The following KCNH1 variants were observed in gnomAD, a reference collection of about 807,000 sequenced individuals.
The protein encoded by KCNH1 is potassium voltage-gated channel subfamily H member 1, also known as voltage-gated delayed rectifier potassium channel KCNH1.
KCNH1 carries 27 observed loss-of-function variants against 69.2 expected under a neutral mutation model. The ratio of observed to expected loss-of-function variants is 0.39; its 90% confidence interval spans 0.29 to 0.54. KCNH1 has a LOEUF of 0.54. Among genes scored for constraint, KCNH1 ranks in the 20% least tolerant of loss-of-function variants. KCNH1 has a pLI of 0.68. For missense variants in KCNH1, 798 were observed against 1,261.6 expected, an observed-to-expected ratio of 0.63 and a Z score of 5.57; for synonymous variants, 456 against 487.7, an observed-to-expected ratio of 0.93 and a Z score of 0.86.
intron 7 of KCNH1, among the ~76,000 whole-genome samples, chr1:210,870,421 G>C (rs1558505090): frequency 6.6e-6 from 1 of 152,034 alleles, no homozygotes; most frequent in East Asian, 1.9e-4. Flanking sequence ...CCCAGCACAA[G>C]AATTGAAAAA....
chr1:211,065,582 T>C (rs1297455140), intron 5 of KCNH1, among the ~76,000 whole-genome samples: 3 of 152,162 alleles, frequency 2.0e-5, no homozygotes, highest in African/African-American at 4.8e-5. Context: ...ATGACTATAG[T>C]TAATAACAAA....
At chr1:211,120,212 A>G (rs1479462810) in intron 1 of KCNH1, among the ~76,000 whole-genome samples, 3 of 148,402 alleles carry the variant, frequency 2.0e-5, no homozygotes, top group Non-Finnish European at 3.0e-5. Context: ...TTTTTGAGAC[A>G]GGGTTTTGCT....
At chr1:210,873,999 G>C (rs539371274) in intron 7 of KCNH1, among the ~76,000 whole-genome samples, 1 of 152,240 alleles carries the variant, frequency 6.6e-6, no homozygotes, top group South Asian at 2.1e-4. Context: ...TTAGTCCAAG[G>C]CTGGGGATTA....
intron 7 of KCNH1, among the ~76,000 whole-genome samples, chr1:210,885,166 T>C (rs922248928): frequency 7.9e-5 from 12 of 152,202 alleles, no homozygotes; most frequent in Non-Finnish European, 1.6e-4. Context: ...TGCAGCAAGA[T>C]CAACGCAGAA....
intron 7 of KCNH1, among the ~76,000 whole-genome samples, chr1:210,916,377 G>A (rs1363911731): frequency 6.6e-6 from 1 of 152,204 alleles, no homozygotes; most frequent in African/African-American, 2.4e-5. Context: ...GCTGAAAAAT[G>A]ACTTGTTTCC....
chr1:210,733,947 TCTCACACACA>T (rs34074937), intron 10 of KCNH1, among the ~76,000 whole-genome samples: 64,780 of 142,002 alleles, frequency 0.46, 14,261 homozygotes, highest in East Asian at 0.66. Flanking sequence ...TGTCTGTCTG[TCTCACACACA>T]CACACACACA....
intron 7 of KCNH1, among the ~76,000 whole-genome samples, chr1:210,835,142 C>A (rs1558489547): frequency 6.6e-6 from 1 of 152,218 alleles, no homozygotes; most frequent in East Asian, 1.9e-4. Context: ...TTAATGTATG[C>A]AAATCCTTTC....
intron 1 of KCNH1, among the ~76,000 whole-genome samples, chr1:211,131,588 C>G (rs1267510806): frequency 1.3e-5 from 2 of 152,110 alleles, no homozygotes; most frequent in Non-Finnish European, 2.9e-5. Flanking sequence ...AAAAAGGGCT[C>G]ATGGATTTTA....
intron 7 of KCNH1, chr1:210,860,869 T>C: frequency 4.3e-6 from 4 of 920,216 alleles, no homozygotes; most frequent in Non-Finnish European, 7.3e-6. Flanking sequence ...TGCTCTCATG[T>C]AGCCTAGTTC....
chr1:211,125,359 G>T lies in KCNH1; in HGVS notation c.79+8508C>A, dbSNP rs558370031. On this transcript the variant is annotated intron_variant, in intron 1 of 10. Coordinates refer to ENST00000271751, the MANE Select transcript of KCNH1 (RefSeq NM_172362.3). ...ATTCAGTACCTTGGCCCACACAGAG[G>T]CTTAAAGCACAGCCTTAATGATGAT... is the stretch of plus-strand genomic sequence containing the variant. 5.0e-4 allele frequency among the ~76,000 whole-genome samples: 76 copies of T among 152,312 alleles called. 1 individual carries two copies. The highest frequency in any genetic ancestry group is 1.4e-3 in the African/African-American group (58 of 41,562).
chr1:211,020,967 G>A (rs1265098481), intron 5 of KCNH1, among the ~76,000 whole-genome samples: 3 of 152,096 alleles, frequency 2.0e-5, no homozygotes, highest in Non-Finnish European at 2.9e-5. Context: ...AACAAATGAG[G>A]TATAGAAGAA....
chr1:210,964,607 T>C (rs1227005823), intron 6 of KCNH1, among the ~76,000 whole-genome samples: 2 of 152,016 alleles, frequency 1.3e-5, no homozygotes, highest in Non-Finnish European at 2.9e-5. Context: ...GGGACAGTAA[T>C]TAATAGCCTA....
chr1:210,999,250 A>G (rs1231129621), intron 6 of KCNH1, among the ~76,000 whole-genome samples: 4 of 152,210 alleles, frequency 2.6e-5, no homozygotes, highest in Non-Finnish European at 5.9e-5. Context: ...AGATCAACAA[A>G]ATTGATAGTC....
intron 7 of KCNH1, among the ~76,000 whole-genome samples, chr1:210,884,827 G>A (rs1686568960): frequency 1.3e-5 from 2 of 152,150 alleles, no homozygotes; most frequent in Admixed American, 6.5e-5. Context: ...ATGGCTTAAC[G>A]GCATATTCAG....
At chr1:211,000,568 A>G (rs1006425866) in intron 6 of KCNH1, among the ~76,000 whole-genome samples, 1 of 152,186 alleles carries the variant, frequency 6.6e-6, no homozygotes, top group African/African-American at 2.4e-5. Flanking sequence ...AATCAGTATC[A>G]TGAAAATGGT....
At chr1:210,976,643 C>T (rs1296097675) in intron 6 of KCNH1, among the ~76,000 whole-genome samples, 1 of 148,510 alleles carries the variant, frequency 6.7e-6, no homozygotes, top group Non-Finnish European at 1.5e-5. Flanking sequence ...GCTATAAAGA[C>T]ACATGCACAT....
chr1:210,967,103 C>T (rs1188449435), intron 6 of KCNH1, among the ~76,000 whole-genome samples: 1 of 151,580 alleles, frequency 6.6e-6, no homozygotes, highest in African/African-American at 2.4e-5. Context: ...TGTTCTCACT[C>T]ATAAGTGGGA....
intron 7 of KCNH1, among the ~76,000 whole-genome samples, chr1:210,851,497 C>T (rs1003587153): frequency 2.0e-5 from 3 of 152,212 alleles, no homozygotes; most frequent in African/African-American, 7.2e-5. Context: ...AGTCACATTA[C>T]CTCTCTGACC....
intron 7 of KCNH1, among the ~76,000 whole-genome samples, chr1:210,856,412 A>G (rs146123186): frequency 4.6e-5 from 7 of 152,154 alleles, no homozygotes; most frequent in Middle Eastern, 3.4e-3. Context: ...CCCCACCCCA[A>G]AACTGTTTCT....
Sources: allele counts gnomAD v4.1 joint callset (sites outside exome capture counted in the v4.1 genomes callset), GRCh38; gene constraint gnomAD v4.1.1; transcripts MANE v1.5; gene names NCBI Gene and HGNC (gene_info 2026-07-23, HGNC 2026-07-21).